Variants in ITGB5 observed in about 807,000 individuals in gnomAD.
ITGB5 encodes the protein integrin subunit beta 5, also known as integrin beta-5.
A neutral mutation model predicts 84.8 loss-of-function variants in ITGB5; 38 were observed. The ratio of observed to expected loss-of-function variants is 0.45; its 90% CI spans 0.35 to 0.59. ITGB5 has a LOEUF of 0.59. Ranked by LOEUF, ITGB5 falls within the 20% of genes least tolerant of loss-of-function variation. The pLI, the probability that ITGB5 is intolerant of heterozygous loss-of-function variation, is 0.01. For missense variants in ITGB5, 905 were observed against 1,034.5 expected (o/e 0.87, Z 1.72); for synonymous variants, 393 against 414.4 (o/e 0.95, Z 0.63).
chr3:124,860,546 G>C (rs2065281966), intron 2 of ITGB5, among the ~76,000 whole-genome samples: 1 of 152,204 alleles, frequency 6.6e-6, no homozygotes, highest in Non-Finnish European at 1.5e-5. Context: ...AGAAGGTTAA[G>C]GTATTAACTT....
rs2063766519 is a variant in ITGB5 at position 124,766,277 on chromosome 3, A to AG, written c.2085dup (p.Tyr696LeufsTer35). 2 of 1,614,154 alleles carry AG rather than the reference A, an allele frequency of 1.2e-6. No individual in the cohort carries two copies. Among genetic ancestry groups the AG allele is most frequent in the Non-Finnish European group, 1.7e-6 (2 of 1,180,006 alleles). On this transcript the variant is annotated frameshift_variant, in exon 13 of 15. Transcript: ENST00000296181. LOFTEE classifies it high-confidence loss of function. ...GACTTCCCACTGGGGAGCTCCACAT[A>AG]GGTGAACATCATGACGCAGTCCTTG... is the stretch of plus-strand genomic sequence containing the variant.
chr3:124,894,424 C>A (rs6784520), intron 1 of ITGB5: 67,117 of 151,908 alleles, frequency 0.44, 15,025 homozygotes, highest in East Asian at 0.65. Context: ...TGAGCCACTG[C>A]ACCCGGCCCC....
Position 124,828,670 on chromosome 3 carries a change from T to C in ITGB5, c.781-7196A>G, listed in dbSNP as rs191243236. ...CACTTTCAATATGTGTAGCTCATTG[T>C]ACATCAATTATACTTCGATGCTCAG... On this transcript the variant is annotated intron_variant, in intron 5 of 14. Coordinates refer to ENST00000296181, the MANE Select transcript of ITGB5 (RefSeq NM_002213.5). Among the ~76,000 whole-genome samples the C allele has an allele frequency of 5.1e-3, 772 of 152,382 alleles. 5 individuals are homozygous for C. The highest frequency in any genetic ancestry group is 0.018 in the African/African-American group (744 of 41,598).
intron 2 of ITGB5, among the ~76,000 whole-genome samples, chr3:124,868,166 G>A (rs2065420138): frequency 6.6e-6 from 1 of 152,188 alleles, no homozygotes; most frequent in African/African-American, 2.4e-5. Flanking sequence ...CCCCAGCCAT[G>A]GCGAACTGTG....
chr3:124,797,158 T>G (rs1161500123), intron 9 of ITGB5, among the ~76,000 whole-genome samples: 1 of 152,212 alleles, frequency 6.6e-6, no homozygotes, highest in East Asian at 1.9e-4. Flanking sequence ...TTCTTTTCTC[T>G]TCTGTCCTAT....
chr3:124,884,226 A>C (rs1431233743), intron 1 of ITGB5, among the ~76,000 whole-genome samples: 1 of 113,118 alleles, frequency 8.8e-6, no homozygotes, highest in Non-Finnish European at 1.9e-5. Context: ...AAAAAAAAGA[A>C]AAAAAAAAAG....
At chr3:124,864,841 C>A (rs2065363087) in intron 2 of ITGB5, among the ~76,000 whole-genome samples, 1 of 152,196 alleles carries the variant, frequency 6.6e-6, no homozygotes, top group South Asian at 2.1e-4. Flanking sequence ...GACACTCAGA[C>A]CCTCTGCCAG....
At chr3:124,843,027 CCCTG>C (rs1190101810) in intron 4 of ITGB5, among the ~76,000 whole-genome samples, 2 of 152,190 alleles carry the variant, frequency 1.3e-5, no homozygotes, top group Non-Finnish European at 2.9e-5. Context: ...GATGGGATCT[CCCTG>C]CCTGGCTTTC....
At chr3:124,818,196 G>A (rs945427939) in intron 7 of ITGB5, among the ~76,000 whole-genome samples, 12 of 152,152 alleles carry the variant, frequency 7.9e-5, no homozygotes, top group Admixed American at 2.0e-4. Context: ...CTGAGAGAAC[G>A]AATGGCGCCC....
At position 124,884,497 on chromosome 3, in the gene ITGB5, T is replaced by TA. The variant is rs1934716194; in HGVS notation, c.70+2433dup. Among the ~76,000 whole-genome samples, 13 of 152,222 alleles carry TA rather than the reference T, an allele frequency of 8.5e-5. No individual in the cohort carries two copies. In the South Asian group the frequency reaches 2.7e-3, roughly 32 times the overall value. Reference sequence around the variant, plus strand: ...GGGCGGATCACCTGAGGTTGGGAGTTAGAGACCAGCCTGACCAACATGGTG... The same window carrying TA: ...GGGCGGATCACCTGAGGTTGGGAGTTAAGAGACCAGCCTGACCAACATGGTG... On this transcript the variant is annotated intron_variant, in intron 1 of 14. Coordinates refer to ENST00000296181, the MANE Select transcript of ITGB5 (RefSeq NM_002213.5).
chr3:124,799,794 T>C (rs1265222756), intron 9 of ITGB5, among the ~76,000 whole-genome samples: 5 of 152,154 alleles, frequency 3.3e-5, no homozygotes, highest in Admixed American at 1.3e-4. Flanking sequence ...CTCCTTAGCA[T>C]ATCCACCTCC....
chr3:124,772,524 C>CAAAG (rs1164855449), intron 11 of ITGB5, among the ~76,000 whole-genome samples: 1 of 152,216 alleles, frequency 6.6e-6, no homozygotes, highest in African/African-American at 2.4e-5. Context: ...GTTCCTCAGC[C>CAAAG]AAAGAGAAGC....
At chr3:124,888,412 G>A (rs1934918216), upstream of ITGB5, among the ~76,000 whole-genome samples, 1 of 152,274 alleles carries the variant, frequency 6.6e-6, no homozygotes, top group South Asian at 2.1e-4. Flanking sequence ...GTGGGGTGGG[G>A]TCTTCCTCAG....
chr3:124,871,105 G>A (rs761914536), intron 2 of ITGB5, among the ~76,000 whole-genome samples: 2 of 152,000 alleles, frequency 1.3e-5, no homozygotes, highest in Non-Finnish European at 2.9e-5. Flanking sequence ...TGCCCAGACC[G>A]GTCTTGAACT....
chr3:124,796,350 C>T (rs778210609), intron 10 of ITGB5, 38 bp downstream of exon 10: 10 of 1,554,878 alleles, frequency 6.4e-6, no homozygotes, highest in East Asian at 2.3e-5. Context: ...GGCATCTTGG[C>T]CTGGCTCAGA....
At chr3:124,766,082 AG>A in intron 13 of ITGB5, 143 bp downstream of exon 13, 2 of 822,846 alleles carry the variant, frequency 2.4e-6, no homozygotes, top group Admixed American at 2.6e-5. Flanking sequence ...AAAAAGAAAA[AG>A]AAGAAATTGT....
intron 5 of ITGB5, among the ~76,000 whole-genome samples, chr3:124,835,297 G>A (rs1048865666): frequency 6.6e-6 from 1 of 152,220 alleles, no homozygotes; most frequent in Admixed American, 6.5e-5. Flanking sequence ...AAACCACGGA[G>A]TCCTGCACTT....
chr3:124,898,643 CAAAAAAAAA>C (rs68025034), intron 1 of ITGB5, among the ~76,000 whole-genome samples: 539 of 29,240 alleles, frequency 0.018, 6 homozygotes, highest in African/African-American at 0.056. Context: ...GACTCCGTCT[CAAAAAAAAA>C]AAAAAAAAAA....
chr3:124,889,496 C>T (rs113137873), upstream of ITGB5, among the ~76,000 whole-genome samples: 4 of 152,238 alleles, frequency 2.6e-5, no homozygotes, highest in Admixed American at 6.5e-5. Context: ...GACTTCCCGT[C>T]ACTGGCACAT....
Sources: gnomAD v4.1 joint callset for allele counts (sites outside exome capture counted in the v4.1 genomes callset) on GRCh38, gnomAD v4.1.1 for gene constraint, MANE v1.5 for transcripts, NCBI Gene and HGNC (gene_info 2026-07-23, HGNC 2026-07-21) for gene names.